The following SSUH2 variants were observed in gnomAD, a reference collection of about 807,000 sequenced individuals.
The protein encoded by SSUH2 is ssu-2 homolog.
SSUH2 carries 47 observed loss-of-function variants against 55.3 expected under a neutral mutation model. The observed-to-expected ratio is 0.85, with a 90% CI of 0.67 to 1.08. The LOEUF is 1.08. Among genes scored for constraint, SSUH2 ranks in the 50% least tolerant of loss-of-function variants. SSUH2 has a pLI of 0.00. For synonymous variants in SSUH2, 212 were observed against 191.5 expected (o/e 1.11, Z -0.89); for missense variants, 535 against 490.7 (o/e 1.09, Z -0.85).
chr3:8,628,121 G>C (rs1697980355), intron 7 of SSUH2, among the ~76,000 whole-genome samples: 1 of 152,122 alleles, frequency 6.6e-6, no homozygotes, highest in Admixed American at 6.6e-5. Context: ...TGGAGACAGG[G>C]GGCTCCTTTT....
At chr3:8,632,245 G>A in intron 4 of SSUH2, 136 bp from the exon 5 acceptor site, 1 of 673,334 alleles carries the variant, frequency 1.5e-6, no homozygotes, top group Non-Finnish European at 2.6e-6. Context: ...CTCGGCTGCT[G>A]GAACTGGCTG....
At chr3:8,633,051 G>C (rs1409760012) in intron 4 of SSUH2, among the ~76,000 whole-genome samples, 2 of 152,064 alleles carry the variant, frequency 1.3e-5, no homozygotes, top group East Asian at 3.9e-4. Flanking sequence ...CTACCGTATA[G>C]GGCAGCCATG....
intron 9 of SSUH2, 82 bp from the exon 10 acceptor site, chr3:8,625,729 G>A (rs776087552): frequency 2.0e-5 from 19 of 966,474 alleles, no homozygotes; most frequent in Non-Finnish European, 2.6e-5. Context: ...CAGACCTGGG[G>A]TTGAGGGCTT....
intron 5 of SSUH2, among the ~76,000 whole-genome samples, chr3:8,666,218 C>T (rs1703978745): frequency 6.6e-6 from 1 of 152,054 alleles, no homozygotes; most frequent in Non-Finnish European, 1.5e-5. Context: ...AGAGCAAGAC[C>T]ACCAAATCTA....
intron 11 of SSUH2, among the ~76,000 whole-genome samples, chr3:8,620,925 G>A (rs977665622): frequency 6.6e-6 from 1 of 152,242 alleles, no homozygotes; most frequent in Non-Finnish European, 1.5e-5. Flanking sequence ...CCCACAGGGA[G>A]ATGCTAAGTC....
chr3:8,639,442 C>G (rs1700468227), intron 1 of SSUH2, among the ~76,000 whole-genome samples: 1 of 152,192 alleles, frequency 6.6e-6, no homozygotes, highest in Non-Finnish European at 1.5e-5. Flanking sequence ...AGAAATAGCA[C>G]TTAGAGCTCA....
intron 1 of SSUH2, among the ~76,000 whole-genome samples, chr3:8,643,485 G>C (rs2125271286): frequency 6.6e-6 from 1 of 152,250 alleles, no homozygotes; most frequent in East Asian, 1.9e-4. Flanking sequence ...CAATATATTA[G>C]AGGTCAGATT....
In SSUH2 at chr3:8,678,702, C is replaced by CA. The variant is rs1385012964; in HGVS notation, c.-901+1002_-901+1003insT. Among the ~76,000 whole-genome samples, 15 of 65,428 alleles carry CA rather than the reference C, an allele frequency of 2.3e-4. 3 individuals carry two copies. The highest frequency in any genetic ancestry group is 6.5e-4 in the African/African-American group (13 of 19,958). The allele number at this position is 65,428 out of a possible 152,430, so 42.9% of individuals were successfully genotyped here. A position where few individuals can be genotyped will look rare whatever the true frequency, so the allele number is the denominator to read the frequency against. On this transcript the variant is annotated intron_variant, in intron 2 of 18. Transcript: ENST00000317371. ...TTGAGAGCCAGCCACTCTTCCCCTC[C>CA]TGGGTCTTAGGACCCCCAACGTGGG...
At chr3:8,644,707 T>C (rs1701433711) in intron 1 of SSUH2, 24 bp downstream of exon 1, 1 of 1,534,264 alleles carries the variant, frequency 6.5e-7, no homozygotes, top group Admixed American at 2.0e-5. Context: ...CAGTCTTCCG[T>C]GCCATCTTTG....
At position 8,675,612 on chromosome 3, in the gene SSUH2, A is replaced by T. The variant is rs1231100422; in HGVS notation, c.-753+1594T>A. Reference sequence around the variant, plus strand: ...GCCCAGGATCAGAAAGAAGCAGGTCATTTGCAATCTAGCGGAGTCTAAGAG... The same window carrying T: ...GCCCAGGATCAGAAAGAAGCAGGTCTTTTGCAATCTAGCGGAGTCTAAGAG... On this transcript the variant is annotated intron_variant, in intron 3 of 18. Coordinates refer to the SSUH2 transcript ENST00000317371. Among the ~76,000 whole-genome samples the T allele has an allele frequency of 3.3e-5, 5 of 152,142 alleles. No homozygotes were observed. In the East Asian group the frequency reaches 9.7e-4, roughly 29 times the overall value.
chr3:8,634,487 G>A (rs1321288170), intron 3 of SSUH2: 1 of 1,289,842 alleles, frequency 7.8e-7, no homozygotes. Context: ...GCAGCCCTGA[G>A]AGCCATTAAT....
intron 4 of SSUH2, 130 bp from the exon 5 acceptor site, chr3:8,632,239 G>C (rs1698943811): frequency 2.8e-6 from 2 of 706,116 alleles, no homozygotes; most frequent in African/African-American, 1.8e-5. Context: ...AACACCCTCG[G>C]CTGCTGGAAC....
intron 8 of SSUH2, 29 bp downstream of exon 8, chr3:8,627,669 T>G: frequency 7.0e-7 from 1 of 1,433,724 alleles, no homozygotes; most frequent in Non-Finnish European, 9.1e-7. Flanking sequence ...CAAGAGCACT[T>G]CACCGCGGTG....
At chr3:8,629,429 A>G in intron 7 of SSUH2, 1 of 563,916 alleles carries the variant, frequency 1.8e-6, no homozygotes. Context: ...GATGGATGAG[A>G]AAATAAGAGA....
intron 5 of SSUH2, among the ~76,000 whole-genome samples, chr3:8,668,261 T>A (rs551064068): frequency 5.9e-5 from 9 of 152,206 alleles, no homozygotes; most frequent in Non-Finnish European, 1.3e-4. Context: ...AAGATCAGCA[T>A]TCAAATCTTC....
At chr3:8,634,739 C>G in intron 3 of SSUH2, 1 of 415,944 alleles carries the variant, frequency 2.4e-6, no homozygotes, top group East Asian at 7.2e-5. Flanking sequence ...CTCATGCTGC[C>G]CAGGTGAGAG....
At chr3:8,673,632 A>G (rs1704874042) in intron 3 of SSUH2, among the ~76,000 whole-genome samples, 1 of 152,206 alleles carries the variant, frequency 6.6e-6, no homozygotes, top group African/African-American at 2.4e-5. Flanking sequence ...CCTCTTTAAC[A>G]GAGATGAAAG....
intron 3 of SSUH2, among the ~76,000 whole-genome samples, chr3:8,676,882 G>T (rs1436340193): frequency 7.8e-6 from 1 of 128,316 alleles, no homozygotes; most frequent in Non-Finnish European, 1.6e-5. Flanking sequence ...GGCATCCCCC[G>T]TGAGGCGGGG....
intron 7 of SSUH2, 136 bp from the exon 8 acceptor site, chr3:8,627,919 G>A: frequency 1.7e-6 from 1 of 595,018 alleles, no homozygotes; most frequent in East Asian, 3.2e-5. Context: ...GTAAAATGGT[G>A]CGGGGTGGAG....
Sources: allele counts gnomAD v4.1 joint callset (sites outside exome capture counted in the v4.1 genomes callset), GRCh38; gene constraint gnomAD v4.1.1; transcripts MANE v1.5; gene names NCBI Gene and HGNC (gene_info 2026-07-23, HGNC 2026-07-21).